The following TYROBP variants were observed in gnomAD, a reference collection of about 807,000 sequenced individuals.
TYROBP encodes the protein transmembrane immune signaling adaptor TYROBP.
Under a neutral mutation model 17.1 loss-of-function variants are expected in TYROBP, and 14 were observed. The observed-to-expected ratio is 0.82, with a 90% CI of 0.54 to 1.28. The LOEUF is 1.28. Ranked by LOEUF, TYROBP falls within the 50% of genes most tolerant of loss-of-function variation. The pLI, the probability that TYROBP is intolerant of heterozygous loss-of-function variation, is 0.00. For missense variants in TYROBP, 161 were observed against 151.4 expected, an observed-to-expected ratio of 1.06 and a Z score of -0.33; for synonymous variants, 73 against 67.4, an observed-to-expected ratio of 1.08 and a Z score of -0.41.
intron 4 of TYROBP, among the ~76,000 whole-genome samples, chr19:35,905,952 C>CAAA (rs56359507): frequency 0.06 from 6,145 of 102,066 alleles, 231 homozygotes; most frequent in African/African-American, 0.11. Context: ...GACTCCATCT[C>CAAA]AAAAAAAAAA....
chr19:35,906,155 G>A (rs143352776), intron 4 of TYROBP, among the ~76,000 whole-genome samples: 1,743 of 146,544 alleles, frequency 0.012, 22 homozygotes, highest in African/African-American at 0.034. Flanking sequence ...TCACTCTGTC[G>A]CCCAGGCTCA....
rs1310789158 is a variant in TYROBP at position 35,907,568 on chromosome 19, G to A, written c.107C>T (p.Ser36Phe). The change falls in exon 3 of 5, where the codon TCT becomes TTT. Residue 36 changes from serine (S) to phenylalanine (F), a missense_variant. Coordinates refer to ENST00000262629, the MANE Select transcript of TYROBP (RefSeq NM_003332.4). ...QAQAQSDCSC[S>F]TVSPGVLAGI... is the part of the protein sequence containing the mutation. ...TGCCAGCACGCCCGGGCTCACCGTA[G>A]AGCAACTGCAATCTGCAGCACAGGG... The A allele has an allele frequency of 1.9e-6, 3 of 1,614,122 alleles. No homozygotes were observed. The highest frequency in any genetic ancestry group is 2.5e-6 in the Non-Finnish European group (3 of 1,180,038).
intron 2 of TYROBP, 49 bp from the exon 3 acceptor site, chr19:35,907,629 G>GA (rs750536324): frequency 4.3e-6 from 7 of 1,613,678 alleles, no homozygotes; most frequent in Non-Finnish European, 5.9e-6. Context: ...GAACTGTGGG[G>GA]AGGGGGGTCA....
chr19:35,907,393 C>T (rs759024155), intron 3 of TYROBP, 53 bp downstream of exon 3: 75 of 1,587,770 alleles, frequency 4.7e-5, no homozygotes, highest in Non-Finnish European at 6.1e-5. Context: ...TTACCCAGCC[C>T]CCCACCCCCA....
At position 35,907,261 on chromosome 19, in the gene TYROBP, G is replaced by A. The variant is rs150310136; in HGVS notation, c.233C>T (p.Ala78Val). The change falls in exon 4 of 5, where the codon GCG (alanine) becomes GTG (valine). Residue 78 changes from alanine to valine, a missense_variant. Coordinates refer to ENST00000262629, the MANE Select transcript of TYROBP (RefSeq NM_003332.4). ...VPRGRGAAEA[A>V]TRKQRITETE... Reference sequence around the variant, plus strand: ...CTCAGTGATACGCTGTTTCCGGGTCGCTGCTGGAGGTGAGGGGTGTTGTGG... The same window carrying A: ...CTCAGTGATACGCTGTTTCCGGGTCACTGCTGGAGGTGAGGGGTGTTGTGG... 4.0e-5 allele frequency: 64 copies of A among 1,610,076 alleles called. 1 individual carries two copies. Among genetic ancestry groups the A allele is most frequent in the Middle Eastern group, 1.6e-4 (1 of 6,066 alleles).
rs111477177 is a variant in TYROBP at position 35,907,552 on chromosome 19, G to A, written c.123C>T (p.Gly41=). 1.1e-4 allele frequency: 178 copies of A among 1,614,064 alleles called. 1 individual carries two copies. The African/African-American group carries it at 1.9e-3, about 17-fold the overall frequency. Residue 41 remains glycine (G), a synonymous_variant, in exon 3 of 5, where the codon GGC becomes GGT. Coordinates refer to ENST00000262629, the MANE Select transcript of TYROBP (RefSeq NM_003332.4). ...SDCSCSTVSP[G]VLAGIVMGDL... ...CTCCCATCACGATCCCTGCCAGCAC[G>A]CCCGGGCTCACCGTAGAGCAACTGC...
At chr19:35,905,434 C>A (rs920576089) in intron 4 of TYROBP, among the ~76,000 whole-genome samples, 2 of 152,078 alleles carry the variant, frequency 1.3e-5, no homozygotes, top group Admixed American at 1.3e-4. Flanking sequence ...CTTAGAGAAT[C>A]TCATGACCCC....
chr19:35,905,599 GC>G (rs1975700849), intron 4 of TYROBP, among the ~76,000 whole-genome samples: 1 of 151,336 alleles, frequency 6.6e-6, no homozygotes, highest in Non-Finnish European at 1.5e-5. Context: ...GATCTCTTGA[GC>G]CCAGGAGTTT....
At chr19:35,907,156 G>GT in intron 4 of TYROBP, 62 bp downstream of exon 4, 1 of 1,493,394 alleles carries the variant, frequency 6.7e-7, no homozygotes, top group East Asian at 2.4e-5. Flanking sequence ...GCATGAAGGA[G>GT]TATCTGGGGC....
chr19:35,905,276 T>C (rs143990386), intron 4 of TYROBP, among the ~76,000 whole-genome samples: 127 of 152,342 alleles, frequency 8.3e-4, no homozygotes, highest in African/African-American at 2.8e-3. Context: ...GCAAAGCTGG[T>C]TGCAGACAAT....
chr19:35,907,844 G>T, intron 1 of TYROBP, 82 bp from the exon 2 acceptor site: 1 of 1,463,550 alleles, frequency 6.8e-7, no homozygotes, highest in South Asian at 1.2e-5. Context: ...AGGGAAGGTG[G>T]ATCCTGACAG....
intron 1 of TYROBP, 69 bp from the exon 2 acceptor site, chr19:35,907,831 G>T: frequency 6.5e-7 from 1 of 1,545,196 alleles, no homozygotes; most frequent in Non-Finnish European, 8.9e-7. Context: ...AAGTTTAGAA[G>T]CCAGGGAAGG....
intron 2 of TYROBP, 51 bp from the exon 3 acceptor site, chr19:35,907,631 G>C: frequency 6.2e-7 from 1 of 1,612,958 alleles, no homozygotes; most frequent in South Asian, 1.1e-5. Context: ...ACTGTGGGGA[G>C]GGGGGTCAGC....
rs956136613 is a variant in TYROBP at position 35,908,156 on chromosome 19, C to T, written c.61+12G>A. 2 of 1,613,132 alleles carry T rather than the reference C, an allele frequency of 1.2e-6. No individual in the cohort carries two copies. Among genetic ancestry groups the T allele is most frequent in the African/African-American group, 1.3e-5 (1 of 74,866 alleles). On this transcript the variant is annotated intron_variant, in intron 1 of 4. Transcript: ENST00000262629. ...GGGACCCGGGAGGCAGCCACGGAAGCCCCTAACTCACCACTTACAGCCAGC... is the reference window on the plus strand; with the variant it reads ...GGGACCCGGGAGGCAGCCACGGAAGTCCCTAACTCACCACTTACAGCCAGC...
In TYROBP at chr19:35,907,466, C is replaced by T. The variant is rs200634946; in HGVS notation, c.209G>A (p.Arg70Gln). Reference sequence around the variant, plus strand: ...CTCACCCTCCGCAGCCCCTCGCCCCCGAGGGACCAGCCGGCCCAGGAAGTA... The same window carrying T: ...CTCACCCTCCGCAGCCCCTCGCCCCTGAGGGACCAGCCGGCCCAGGAAGTA... ...AVYFLGRLVP[R>Q]GRGAAEAATR... The change falls in exon 3 of 5, where the codon CGG becomes CAG. Residue 70 changes from arginine (R) to glutamine (Q), a missense_variant. Physicochemically the swap from Arg to Gln is conservative, Grantham distance 43. Coordinates refer to ENST00000262629, the MANE Select transcript of TYROBP (RefSeq NM_003332.4). The T allele has an allele frequency of 1.7e-4, 281 of 1,613,272 alleles. No individual in the cohort carries two copies. The highest frequency in any genetic ancestry group is 2.5e-4 in the Admixed American group (15 of 59,980).
Position 35,904,487 on chromosome 19 carries a change from G to C in TYROBP, c.*82C>G, listed in dbSNP as rs758917899. The C allele has an allele frequency of 1.6e-5, 23 of 1,408,026 alleles. No homozygotes were observed. The highest frequency in any genetic ancestry group is 2.2e-5 in the Non-Finnish European group (22 of 1,004,578). The allele number at this position is 1,408,026 out of a possible 1,614,324, so 87.2% of individuals were successfully genotyped here. A position where few individuals can be genotyped will look rare whatever the true frequency, so the allele number is the denominator to read the frequency against. On this transcript the variant is annotated 3_prime_UTR_variant, in exon 5 of 5. Coordinates refer to ENST00000262629, the MANE Select transcript of TYROBP (RefSeq NM_003332.4). The stretch of plus-strand genomic sequence containing the variant: ...TGGCACTCTGTGGGTCTGTATCGCG[G>C]TAGGAGTTGGAATGAGGTGCAGGGT...
At position 35,904,454 on chromosome 19, in the gene TYROBP, C is replaced by T. The variant is rs1975667239; in HGVS notation, c.*115G>A. The T allele has an allele frequency of 8.9e-7, 1 of 1,121,712 alleles. No homozygotes were observed. Among genetic ancestry groups the T allele is most frequent in the Non-Finnish European group, 1.3e-6 (1 of 755,222 alleles). The allele number at this position is 1,121,712 out of a possible 1,614,324, so 69.5% of individuals were successfully genotyped here. ...AGAGTATTGGGGAGCGGTCTGGTCTCTCAGGGATGGCACTCTGTGGGTCTG... is the reference window on the plus strand; with the variant it reads ...AGAGTATTGGGGAGCGGTCTGGTCTTTCAGGGATGGCACTCTGTGGGTCTG... On this transcript the variant is annotated 3_prime_UTR_variant, in exon 5 of 5. Transcript: ENST00000262629.
Position 35,907,490 on chromosome 19 carries a change from T to C in TYROBP, c.185A>G (p.Tyr62Cys). 1.2e-6 allele frequency: 2 copies of C among 1,613,588 alleles called. No homozygotes were observed. The highest frequency in any genetic ancestry group is 1.1e-5 in the South Asian group (1 of 91,068). ...VLTVLIALAV[Y>C]FLGRLVPRGR... ...CCGAGGGACCAGCCGGCCCAGGAAG[T>C]ACACGGCCAGGGCAATGAGCACTGT... The change falls in exon 3 of 5, where the codon TAC (tyrosine) becomes TGC (cysteine). Residue 62 changes from tyrosine (Y) to cysteine (C), a missense_variant. Transcript: ENST00000262629.
intron 4 of TYROBP, 59 bp downstream of exon 4, chr19:35,907,159 T>G (rs1975743391): frequency 4.0e-6 from 6 of 1,516,570 alleles, no homozygotes; most frequent in Non-Finnish European, 5.4e-6. Context: ...TGAAGGAGTA[T>G]CTGGGGCAGA....
Sources: gnomAD v4.1 joint callset for allele counts (sites outside exome capture counted in the v4.1 genomes callset) on GRCh38, gnomAD v4.1.1 for gene constraint, MANE v1.5 for transcripts, NCBI Gene and HGNC (gene_info 2026-07-23, HGNC 2026-07-21) for gene names.